CNTNAP2: variants seen among roughly 807,000 people sequenced by gnomAD.
The protein encoded by CNTNAP2 is contactin-associated protein-like 2.
A neutral mutation model predicts 155.2 loss-of-function variants in CNTNAP2; 98 were observed. That is an observed-to-expected ratio of 0.63 (90% confidence interval 0.54 to 0.75). The LOEUF is 0.75. Ranked by LOEUF, CNTNAP2 falls within the 30% of genes least tolerant of loss-of-function variation. The probability of loss-of-function intolerance (pLI) is 0.00; values close to 1 mark genes in which losing one functional copy is unlikely to be tolerated. For synonymous variants in CNTNAP2, 651 were observed against 631.2 expected, an observed-to-expected ratio of 1.03 and a Z score of -0.47; for missense variants, 1,727 against 1,688.1, an observed-to-expected ratio of 1.02 and a Z score of -0.40.
intron 23 of CNTNAP2, among the ~76,000 whole-genome samples, chr7:148,409,803 G>A (rs1399874264): frequency 9.9e-6 from 1 of 101,274 alleles, no homozygotes; most frequent in Non-Finnish European, 2.1e-5. Context: ...TGTAATCCCA[G>A]CACTTTGGGA....
chr7:148,242,457 C>T (rs982132298), intron 20 of CNTNAP2, among the ~76,000 whole-genome samples: 2 of 152,170 alleles, frequency 1.3e-5, no homozygotes, highest in Non-Finnish European at 2.9e-5. Flanking sequence ...TTAAAATGCC[C>T]TCTAGTGGTC....
At chr7:146,308,182 C>G (rs535745127) in intron 1 of CNTNAP2, among the ~76,000 whole-genome samples, 21 of 152,290 alleles carry the variant, frequency 1.4e-4, no homozygotes, top group Admixed American at 1.2e-3. Flanking sequence ...TGAACAGACA[C>G]TTCTCAAAAG....
intron 14 of CNTNAP2, among the ~76,000 whole-genome samples, chr7:147,965,758 T>C (rs1801198720): frequency 6.6e-6 from 1 of 152,118 alleles, no homozygotes; most frequent in Admixed American, 6.6e-5. Flanking sequence ...TCAAGGCTCT[T>C]TCCATGGCTG....
chr7:146,521,453 CT>C (rs1042015448), intron 1 of CNTNAP2, among the ~76,000 whole-genome samples: 8 of 151,790 alleles, frequency 5.3e-5, no homozygotes, highest in Admixed American at 1.3e-4. Flanking sequence ...GAATAATTTA[CT>C]TTTTTTTCCC....
intron 22 of CNTNAP2, among the ~76,000 whole-genome samples, chr7:148,401,225 A>C (rs6464880): frequency 4.6e-5 from 7 of 152,078 alleles, no homozygotes; most frequent in African/African-American, 1.7e-4. Context: ...TACATGAGAG[A>C]GTCCTGAATG....
intron 13 of CNTNAP2, among the ~76,000 whole-genome samples, chr7:147,867,237 G>T (rs1443672970): frequency 1.3e-5 from 2 of 152,130 alleles, no homozygotes; most frequent in Non-Finnish European, 2.9e-5. Flanking sequence ...TGAAATTCTG[G>T]GTTGAAAATT....
chr7:146,905,268 T>A (rs1407586699), intron 3 of CNTNAP2, among the ~76,000 whole-genome samples: 1 of 151,920 alleles, frequency 6.6e-6, no homozygotes, highest in Non-Finnish European at 1.5e-5. Flanking sequence ...GATGTGAGGA[T>A]TTCATCAGGA....
chr7:146,608,057 A>G (rs1799076579), intron 1 of CNTNAP2, among the ~76,000 whole-genome samples: 1 of 152,226 alleles, frequency 6.6e-6, no homozygotes, highest in African/African-American at 2.4e-5. Flanking sequence ...TCTATATTTA[A>G]GCATTATTAA....
chr7:146,627,207 G>A (rs917106762), intron 1 of CNTNAP2, among the ~76,000 whole-genome samples: 2 of 151,982 alleles, frequency 1.3e-5, no homozygotes, highest in African/African-American at 4.8e-5. Context: ...AACAGTACAG[G>A]AGAGACCAGC....
chr7:147,295,252 CAT>C (rs565681829), intron 8 of CNTNAP2, among the ~76,000 whole-genome samples: 22 of 144,964 alleles, frequency 1.5e-4, no homozygotes, highest in Admixed American at 4.8e-4. Context: ...CGTGTGTACC[CAT>C]GTGTGTGTGT....
At chr7:146,307,906 C>T (rs1800744905) in intron 1 of CNTNAP2, among the ~76,000 whole-genome samples, 1 of 152,106 alleles carries the variant, frequency 6.6e-6, no homozygotes, top group South Asian at 2.1e-4. Flanking sequence ...CCATTCAGGC[C>T]ATAGGCATGG....
intron 8 of CNTNAP2, among the ~76,000 whole-genome samples, chr7:147,248,971 T>C (rs543595001): frequency 6.6e-6 from 1 of 152,128 alleles, no homozygotes; most frequent in African/African-American, 2.4e-5. Context: ...CACTGATCTA[T>C]GGGAGAAGAA....
At chr7:147,221,416 T>C (rs897190933) in intron 8 of CNTNAP2, among the ~76,000 whole-genome samples, 3 of 152,130 alleles carry the variant, frequency 2.0e-5, no homozygotes, top group Non-Finnish European at 4.4e-5. Flanking sequence ...GTCAATGTCA[T>C]GTTCCTTGAT....
At chr7:147,989,242 C>A (rs2116879541) in intron 15 of CNTNAP2, among the ~76,000 whole-genome samples, 1 of 152,326 alleles carries the variant, frequency 6.6e-6, no homozygotes, top group Non-Finnish European at 1.5e-5. Flanking sequence ...CCTTACATAG[C>A]AGCATGGTGA....
At chr7:146,358,996 A>G (rs1795043872) in intron 1 of CNTNAP2, among the ~76,000 whole-genome samples, 1 of 152,248 alleles carries the variant, frequency 6.6e-6, no homozygotes. Flanking sequence ...TCTGCAAAGC[A>G]GCTGCTGTTA....
chr7:148,195,924 C>T (rs1465484014), intron 18 of CNTNAP2, among the ~76,000 whole-genome samples: 1 of 152,238 alleles, frequency 6.6e-6, no homozygotes, highest in Middle Eastern at 3.4e-3. Context: ...ATTCAGAGCA[C>T]GCATCCTTAC....
chr7:146,891,427 T>TA (rs1327112608), intron 3 of CNTNAP2, among the ~76,000 whole-genome samples: 1 of 152,032 alleles, frequency 6.6e-6, no homozygotes, highest in Non-Finnish European at 1.5e-5. Context: ...TAAATAAAAA[T>TA]AAAAGACAAA....
intron 1 of CNTNAP2, among the ~76,000 whole-genome samples, chr7:146,262,501 C>G (rs1799935356): frequency 6.6e-6 from 1 of 152,120 alleles, no homozygotes; most frequent in East Asian, 1.9e-4. Flanking sequence ...TTCTTCTCTT[C>G]CAATGCATAT....
chr7:146,844,538 A>G (rs887728405), intron 3 of CNTNAP2, among the ~76,000 whole-genome samples: 3 of 152,178 alleles, frequency 2.0e-5, no homozygotes, highest in Admixed American at 6.5e-5. Flanking sequence ...ATTCTGTATA[A>G]GCATTTTGTA....
Sources: gnomAD v4.1 joint callset for allele counts (sites outside exome capture counted in the v4.1 genomes callset) on GRCh38, gnomAD v4.1.1 for gene constraint, MANE v1.5 for transcripts, NCBI Gene and HGNC (gene_info 2026-07-23, HGNC 2026-07-21) for gene names.